The following DNM3 variants were observed in gnomAD, a reference collection of about 807,000 sequenced individuals.
The protein encoded by DNM3 is dynamin 3.
A neutral mutation model predicts 101.6 loss-of-function variants in DNM3; 47 were observed. That is an observed-to-expected ratio of 0.46 (90% confidence interval 0.37 to 0.59). The LOEUF is 0.59. Among genes scored for constraint, DNM3 ranks in the 20% least tolerant of loss-of-function variants. The pLI is 0.00. For synonymous variants in DNM3, 385 were observed against 387.9 expected (o/e 0.99, Z 0.09); for missense variants, 849 against 1,085.7 (o/e 0.78, Z 3.06).
chr1:172,104,049 A>G (rs939656847), intron 13 of DNM3, among the ~76,000 whole-genome samples: 3 of 152,012 alleles, frequency 2.0e-5, no homozygotes, highest in Non-Finnish European at 4.4e-5. Flanking sequence ...AGACTTTGGT[A>G]TCCCTTCTCC....
At chr1:172,266,553 T>C (rs1311509439) in intron 15 of DNM3, among the ~76,000 whole-genome samples, 1 of 152,210 alleles carries the variant, frequency 6.6e-6, no homozygotes, top group African/African-American at 2.4e-5. Context: ...ATCCCACTTT[T>C]GTCAAAACAA....
At chr1:172,244,264 G>A (rs10458358) in intron 14 of DNM3, among the ~76,000 whole-genome samples, 25,433 of 151,500 alleles carry the variant, frequency 0.17, 2,495 homozygotes, top group East Asian at 0.24. Flanking sequence ...CCAGTCTATC[G>A]TTGTTGGACA....
chr1:172,229,960 G>A (rs1259102333), intron 14 of DNM3, among the ~76,000 whole-genome samples: 1 of 152,146 alleles, frequency 6.6e-6, no homozygotes, highest in Non-Finnish European at 1.5e-5. Context: ...TCTCTGCACA[G>A]ACAACTCTTA....
At chr1:172,266,554 G>A (rs1018815407) in intron 15 of DNM3, among the ~76,000 whole-genome samples, 1 of 152,106 alleles carries the variant, frequency 6.6e-6, no homozygotes, top group Non-Finnish European at 1.5e-5. Flanking sequence ...TCCCACTTTT[G>A]TCAAAACAAT....
At chr1:171,978,058 C>T (rs967727171) in intron 2 of DNM3, among the ~76,000 whole-genome samples, 2 of 152,138 alleles carry the variant, frequency 1.3e-5, no homozygotes, top group African/African-American at 4.8e-5. Flanking sequence ...TTGATTCCTT[C>T]AGTCATCTAC....
intron 15 of DNM3, among the ~76,000 whole-genome samples, chr1:172,302,825 T>C (rs2064536431): frequency 1.3e-5 from 2 of 152,120 alleles, no homozygotes. Context: ...CAGAAAGGAA[T>C]AGCATCAACA....
Position 172,407,758 on chromosome 1 carries a change from TTTTCTC to T in DNM3, c.2523-8_2523-3del, listed in dbSNP as rs746427965. 4 of 1,612,336 alleles carry T rather than the reference TTTTCTC, an allele frequency of 2.5e-6. No homozygotes were observed. In the East Asian group the frequency reaches 6.7e-5, roughly 27 times the overall value. On this transcript the variant is annotated splice_region_variant and splice_polypyrimidine_tract_variant and intron_variant, in intron 20 of 20. Transcript: ENST00000627582. ...TCTACTTGTTTCTTTACCTTTCTCT[TTTTCTC>T]TTTCTAGCCGGAGACCACCCCCATC...
At chr1:172,337,147 C>T (rs1368435411) in intron 17 of DNM3, among the ~76,000 whole-genome samples, 1 of 152,170 alleles carries the variant, frequency 6.6e-6, no homozygotes, top group African/African-American at 2.4e-5. Flanking sequence ...TCCAAGCTTA[C>T]CATTTACCAA....
intron 14 of DNM3, among the ~76,000 whole-genome samples, chr1:172,191,870 T>A (rs148090231): frequency 0.011 from 1,723 of 152,332 alleles, 42 homozygotes; most frequent in African/African-American, 0.039. Flanking sequence ...TGATTTTGTA[T>A]CCTGAGACTT....
rs952000922 is a variant in DNM3, at chr1:172,038,532, A to G, written c.992+71A>G. The stretch of plus-strand genomic sequence containing the variant: ...CTTTAGTTTTCTATTGCCTTAGTCT[A>G]TTTGTCACGTTGCTTCTTAGGTAGC... On this transcript the variant is annotated intron_variant, in intron 7 of 20. Coordinates refer to ENST00000627582, the MANE Select transcript of DNM3 (RefSeq NM_015569.5). The G allele has an allele frequency of 7.0e-6, 11 of 1,565,148 alleles. No homozygotes were observed. The Admixed American group carries it at 1.2e-4, about 17-fold the overall frequency.
At chr1:172,013,983 A>G (rs540483134) in intron 4 of DNM3, among the ~76,000 whole-genome samples, 87 of 152,230 alleles carry the variant, frequency 5.7e-4, no homozygotes, top group Non-Finnish European at 9.9e-4. Flanking sequence ...GTTCCCATAT[A>G]ACCTCATCCC....
intron 17 of DNM3, among the ~76,000 whole-genome samples, chr1:172,325,127 A>C (rs1193637194): frequency 3.3e-5 from 5 of 152,216 alleles, no homozygotes; most frequent in African/African-American, 7.2e-5. Context: ...GATCCAAAAA[A>C]TATTCAGTTT....
In DNM3 at chr1:171,978,815, G is replaced by T. The variant is rs1015788804; in HGVS notation, c.236-8841G>T. 1.4e-4 allele frequency among the ~76,000 whole-genome samples: 22 copies of T among 152,290 alleles called. No individual in the cohort carries two copies. In the East Asian group the frequency reaches 1.5e-3, roughly 11 times the overall value. On this transcript the variant is annotated intron_variant, in intron 2 of 20. Transcript: ENST00000627582. Reference sequence around the variant, plus strand: ...GGAGGCAGTGAGACGGTGTTTGGAAGAGAGCTGAGGAAAGGAAGCTTTGAA... The same window carrying T: ...GGAGGCAGTGAGACGGTGTTTGGAATAGAGCTGAGGAAAGGAAGCTTTGAA...
chr1:172,266,148 G>A (rs1039048039), intron 15 of DNM3, among the ~76,000 whole-genome samples: 1 of 152,038 alleles, frequency 6.6e-6, no homozygotes, highest in Non-Finnish European at 1.5e-5. Context: ...GTTGAGTAGT[G>A]GTATATTTTT....
At chr1:171,945,941 A>C (rs75635609) in intron 2 of DNM3, among the ~76,000 whole-genome samples, 2 of 152,298 alleles carry the variant, frequency 1.3e-5, no homozygotes, top group Admixed American at 6.5e-5. Flanking sequence ...AGCATGCTAT[A>C]GGAAACTAAA....
intron 16 of DNM3, among the ~76,000 whole-genome samples, chr1:172,314,568 G>T (rs149042976): frequency 5.1e-4 from 77 of 152,314 alleles, no homozygotes; most frequent in Non-Finnish European, 8.8e-4. Context: ...TTAGGAAACG[G>T]TGCACCAGGA....
At position 172,059,793 on chromosome 1, in the gene DNM3, G is replaced by A. The variant is rs2051004155; in HGVS notation, c.1336-9026G>A. ...CCCTTTGAAAACTGTCACAAGACAGGGATGCCCTCTCTCACCACTCCTATT... is the reference window on the plus strand; with the variant it reads ...CCCTTTGAAAACTGTCACAAGACAGAGATGCCCTCTCTCACCACTCCTATT... On this transcript the variant is annotated intron_variant, in intron 10 of 20. Coordinates refer to ENST00000627582, the MANE Select transcript of DNM3 (RefSeq NM_015569.5). Among the ~76,000 whole-genome samples, 3 of 142,360 alleles carry A rather than the reference G, an allele frequency of 2.1e-5. No homozygotes were observed. In the South Asian group the frequency reaches 7.0e-4, roughly 33 times the overall value. 93.4% of individuals were successfully genotyped at this position (142,360 alleles called of 152,430 possible).
At chr1:172,225,001 G>C (rs757320767) in intron 14 of DNM3, among the ~76,000 whole-genome samples, 1 of 152,120 alleles carries the variant, frequency 6.6e-6, no homozygotes, top group East Asian at 1.9e-4. Flanking sequence ...AACAGGTTCA[G>C]AGAAGCGACA....
intron 1 of DNM3, among the ~76,000 whole-genome samples, chr1:171,882,430 T>TAC (rs34753464): frequency 0.063 from 9,118 of 145,336 alleles, 378 homozygotes; most frequent in African/African-American, 0.12. Context: ...TCTCTCTCTA[T>TAC]ACACACACAC....
Sources: gnomAD v4.1 joint callset for allele counts (sites outside exome capture counted in the v4.1 genomes callset) on GRCh38, gnomAD v4.1.1 for gene constraint, MANE v1.5 for transcripts, NCBI Gene and HGNC (gene_info 2026-07-23, HGNC 2026-07-21) for gene names.